The following MDN1 variants were observed in gnomAD, a reference collection of about 807,000 sequenced individuals.
The protein encoded by MDN1 is midasin AAA ATPase 1.
A neutral mutation model predicts 669.2 loss-of-function variants in MDN1; 266 were observed. The ratio of observed to expected loss-of-function variants is 0.40; its 90% CI spans 0.36 to 0.44. The LOEUF is 0.44. MDN1 is among the 20% of genes least tolerant of loss of function. MDN1 has a pLI of 1.00. For missense variants in MDN1, 5,940 were observed against 6,754.0 expected (o/e 0.88, Z 4.22); for synonymous variants, 2,385 against 2,457.1 (o/e 0.97, Z 0.87).
At chr6:89,764,100 C>T (rs1817687914) in intron 15 of MDN1, among the ~76,000 whole-genome samples, 1 of 152,134 alleles carries the variant, frequency 6.6e-6, no homozygotes, top group African/African-American at 2.4e-5. Flanking sequence ...TTTGTAGTCT[C>T]AGCTACTTGG....
At chr6:89,725,587 T>C (rs1273104622) in intron 37 of MDN1, among the ~76,000 whole-genome samples, 191 bp from the exon 38 acceptor site, 1 of 152,170 alleles carries the variant, frequency 6.6e-6, no homozygotes, top group Non-Finnish European at 1.5e-5. Context: ...GCTTTTGTTT[T>C]TGAGACAGGG....
chr6:89,811,990 T>TC (rs2128331801), intron 1 of MDN1, among the ~76,000 whole-genome samples: 1 of 144,338 alleles, frequency 6.9e-6, no homozygotes, highest in East Asian at 2.0e-4. Flanking sequence ...AAGAAAAAAC[T>TC]TTTTTTTTTT....
At chr6:89,778,820 A>C (rs1422070219) in intron 11 of MDN1, among the ~76,000 whole-genome samples, 1 of 151,666 alleles carries the variant, frequency 6.6e-6, no homozygotes, top group African/African-American at 2.4e-5. Context: ...TGGGAGGTGG[A>C]GCTTGCAGTG....
intron 38 of MDN1, among the ~76,000 whole-genome samples, 195 bp from the exon 39 acceptor site, chr6:89,723,814 G>A (rs1323143805): frequency 6.6e-6 from 1 of 152,106 alleles, no homozygotes; most frequent in Admixed American, 6.5e-5. Flanking sequence ...ATACAGCTGA[G>A]TAGAGGTTTT....
chr6:89,775,686 T>C (rs78701406), intron 12 of MDN1, among the ~76,000 whole-genome samples: 1 of 152,028 alleles, frequency 6.6e-6, no homozygotes, highest in Non-Finnish European at 1.5e-5. Flanking sequence ...TTTTTGTTTG[T>C]TTGGTTGGTT....
intron 7 of MDN1, among the ~76,000 whole-genome samples, chr6:89,789,181 G>C (rs1819125775): frequency 6.6e-6 from 1 of 151,896 alleles, no homozygotes; most frequent in Non-Finnish European, 1.5e-5. Context: ...TCTGTCCAAA[G>C]GAAGAATATT....
At chr6:89,715,141 C>T (rs561169792) in intron 45 of MDN1, among the ~76,000 whole-genome samples, 1 of 152,166 alleles carries the variant, frequency 6.6e-6, no homozygotes, top group Non-Finnish European at 1.5e-5. Flanking sequence ...TATCTTACAC[C>T]TCTGATGTAT....
chr6:89,762,841 G>A (rs1817624669), intron 15 of MDN1, among the ~76,000 whole-genome samples: 1 of 152,098 alleles, frequency 6.6e-6, no homozygotes, highest in African/African-American at 2.4e-5. Context: ...GATCACTTGA[G>A]CCCAGGAGTT....
intron 1 of MDN1, among the ~76,000 whole-genome samples, chr6:89,805,158 AC>A (rs1455761455): frequency 6.6e-6 from 1 of 152,138 alleles, no homozygotes; most frequent in African/African-American, 2.4e-5. Context: ...GGTCTGCACA[AC>A]CGTTTCTGCC....
At chr6:89,708,294 C>A (rs1179569340) in intron 51 of MDN1, among the ~76,000 whole-genome samples, 4 of 152,130 alleles carry the variant, frequency 2.6e-5, no homozygotes, top group African/African-American at 7.2e-5. Flanking sequence ...CAGAGCTAGA[C>A]CCTGTCTCAA....
chr6:89,756,247 G>T, intron 20 of MDN1, 30 bp downstream of exon 20: 1 of 1,098,726 alleles, frequency 9.1e-7, no homozygotes, highest in Non-Finnish European at 1.3e-6. Flanking sequence ...CAGAGAAAGA[G>T]CTTATAAAGA....
intron 85 of MDN1, 77 bp from the exon 86 acceptor site, chr6:89,663,044 G>A (rs1018975086): frequency 5.2e-6 from 8 of 1,524,040 alleles, no homozygotes; most frequent in East Asian, 2.3e-5. Context: ...GTGTGGACCC[G>A]CTTCCCTAGC....
intron 64 of MDN1, 144 bp downstream of exon 64, chr6:89,690,529 G>T: frequency 2.8e-6 from 3 of 1,062,878 alleles, no homozygotes; most frequent in Non-Finnish European, 2.7e-6. Context: ...CTGCACTCCA[G>T]CCTGGGTGAT....
rs1310886489 is a variant in MDN1, at chr6:89,683,212, C to G, written c.12022G>C (p.Ala4008Pro). The G allele has an allele frequency of 1.9e-6, 3 of 1,614,150 alleles. No individual in the cohort carries two copies. Among genetic ancestry groups the G allele is most frequent in the Non-Finnish European group, 2.5e-6 (3 of 1,180,030 alleles). ...PDFLPRPTDGAASELSSIQNL... is the reference protein window; with the variant it reads ...PDFLPRPTDGPASELSSIQNL... Reference sequence around the variant, plus strand: ...TGAATGGAAGACAGTTCACTTGCAGCTCCATCTGTTGGCCTGGGCAAAAAG... The same window carrying G: ...TGAATGGAAGACAGTTCACTTGCAGGTCCATCTGTTGGCCTGGGCAAAAAG... Residue 4008 changes from alanine to proline, a missense_variant, in exon 73 of 102, where the codon GCT becomes CCT. Physicochemically the swap from Ala to Pro is conservative, Grantham distance 27. Transcript: ENST00000369393.
rs534185658 is a variant in MDN1, at chr6:89,744,465, C to T, written c.4179-751G>A. On this transcript the variant is annotated intron_variant, in intron 29 of 101. Coordinates refer to ENST00000369393, the MANE Select transcript of MDN1 (RefSeq NM_014611.3). Reference sequence around the variant, plus strand: ...TTGCCTAGGCTGGAGTGCAATGGCACGATATCAGCTCAGTGCAATCTCTGC... The same window carrying T: ...TTGCCTAGGCTGGAGTGCAATGGCATGATATCAGCTCAGTGCAATCTCTGC... 1.6e-3 allele frequency among the ~76,000 whole-genome samples: 241 copies of T among 152,072 alleles called. 1 individual carries two copies. The highest frequency in any genetic ancestry group is 5.3e-3 in the African/African-American group (221 of 41,500).
At chr6:89,727,990 T>C (rs1023420900) in intron 36 of MDN1, 35 bp from the exon 37 acceptor site, 18 of 1,577,834 alleles carry the variant, frequency 1.1e-5, no homozygotes, top group Non-Finnish European at 1.5e-5. Flanking sequence ...GAAGCCATTA[T>C]TACTTTAAAA....
chr6:89,812,609 T>G (rs573228375), intron 1 of MDN1, among the ~76,000 whole-genome samples: 2 of 152,174 alleles, frequency 1.3e-5, no homozygotes, highest in East Asian at 3.9e-4. Flanking sequence ...CATATTCAAC[T>G]GCTAACTGAT....
intron 92 of MDN1, among the ~76,000 whole-genome samples, chr6:89,655,054 A>T (rs1809160462): frequency 1.3e-5 from 2 of 152,212 alleles, no homozygotes; most frequent in African/African-American, 2.4e-5. Context: ...AAAGGCTCAG[A>T]AAAGTTTTTT....
intron 5 of MDN1, among the ~76,000 whole-genome samples, chr6:89,792,116 C>CAAAGTG: frequency 6.6e-6 from 1 of 151,998 alleles, no homozygotes; most frequent in Non-Finnish European, 1.5e-5. Context: ...GATCTGCCCG[C>CAAAGTG]CTCGGCCTCC....
Sources: allele counts gnomAD v4.1 joint callset (sites outside exome capture counted in the v4.1 genomes callset), GRCh38; gene constraint gnomAD v4.1.1; transcripts MANE v1.5; gene names NCBI Gene and HGNC (gene_info 2026-07-23, HGNC 2026-07-21).